Variants in USB1 observed in about 807,000 individuals in gnomAD.
The protein encoded by USB1 is U6 snRNA phosphodiesterase 1.
A neutral mutation model predicts 29.9 loss-of-function variants in USB1; 21 were observed. That is an observed-to-expected ratio of 0.70 (90% CI 0.50 to 1.01). The LOEUF is 1.01. Ranked by LOEUF, USB1 falls within the 50% of genes least tolerant of loss-of-function variation. USB1 has a pLI of 0.00. For missense variants in USB1, 330 were observed against 347.1 expected (o/e 0.95, Z 0.39); for synonymous variants, 143 against 134.9 (o/e 1.06, Z -0.42).
intron 6 of USB1, 80 bp downstream of exon 6, chr16:58,019,135 G>A: frequency 7.0e-7 from 1 of 1,425,340 alleles, no homozygotes. Context: ...GGAGGATGAG[G>A]CACCCAAACC....
At chr16:58,009,088 T>C (rs1447942751) in intron 2 of USB1, among the ~76,000 whole-genome samples, 4 of 152,244 alleles carry the variant, frequency 2.6e-5, no homozygotes, top group Non-Finnish European at 5.9e-5. Flanking sequence ...TTTTGCCCTT[T>C]AGTATGTCTT....
At position 58,017,087 on chromosome 16, in the gene USB1, G is replaced by A. The variant is rs531601308; in HGVS notation, c.504-247G>A. The A allele has an allele frequency of 5.8e-6, 3 of 518,174 alleles. No individual in the cohort carries two copies. The South Asian group carries it at 6.1e-5, about 11-fold the overall frequency. The allele number at this position is 518,174 out of a possible 1,614,324, so 32.1% of individuals were successfully genotyped here. On this transcript the variant is annotated intron_variant, in intron 4 of 6. Coordinates refer to ENST00000219281, the MANE Select transcript of USB1 (RefSeq NM_024598.4). ...GCAGTGGTGGGTGAAGGCGTTCCTG[G>A]AAGGGTTATTAGATCCAGAGAAGGG...
At position 58,014,406 on chromosome 16, in the gene USB1, T is replaced by C. The variant is rs573096144; in HGVS notation, c.503+80T>C. On this transcript the variant is annotated intron_variant, in intron 4 of 6. Transcript: ENST00000219281. ...TTGAGTGCTTTGTTTCTGGACTTGT[T>C]TGTCCCATTTTTTGTTTGCTTTTAA... 13 of 1,287,552 alleles carry C rather than the reference T, an allele frequency of 1.0e-5. No homozygotes were observed. The African/African-American group carries it at 1.9e-4, about 19-fold the overall frequency. The allele number at this position is 1,287,552 out of a possible 1,614,324, so 79.8% of individuals were successfully genotyped here.
At chr16:57,999,671 C>T (rs1963112879), upstream of USB1, 1 of 152,276 alleles carries the variant, frequency 6.6e-6, no homozygotes, top group African/African-American at 2.4e-5. Flanking sequence ...TCTAACTGCT[C>T]TGCCAAAGAA....
chr16:58,001,133 C>T (rs1006464159), upstream of USB1, among the ~76,000 whole-genome samples: 5 of 152,116 alleles, frequency 3.3e-5, no homozygotes, highest in African/African-American at 1.2e-4. Flanking sequence ...GTGCGCTGAC[C>T]CGGGACTGTC....
chr16:58,000,935 C>T (rs2142287451), upstream of USB1, among the ~76,000 whole-genome samples: 1 of 152,264 alleles, frequency 6.6e-6, no homozygotes, highest in East Asian at 1.9e-4. The surrounding 1 kb of genome is among the most constrained non-coding windows in gnomAD (Gnocchi z 4.5). Flanking sequence ...TCCGGGTGAC[C>T]GCCCTCGGCC....
chr16:58,001,197 G>T (rs1277453472), upstream of USB1, among the ~76,000 whole-genome samples: 1 of 152,148 alleles, frequency 6.6e-6, no homozygotes, highest in Admixed American at 6.5e-5. Context: ...GCAGAAAGGT[G>T]AGGGCCCTGA....
chr16:58,009,087 T>G (rs1963429472), intron 2 of USB1, among the ~76,000 whole-genome samples: 1 of 152,224 alleles, frequency 6.6e-6, no homozygotes, highest in African/African-American at 2.4e-5. Flanking sequence ...TTTTTGCCCT[T>G]TAGTATGTCT....
At chr16:58,002,701 T>C in intron 2 of USB1, 56 bp downstream of exon 2, 1 of 1,610,242 alleles carries the variant, frequency 6.2e-7, no homozygotes, top group Non-Finnish European at 8.5e-7. Context: ...AGGTGCCTCA[T>C]GAAGGGCAGA....
chr16:58,020,056 T>C, intron 6 of USB1, 85 bp from the exon 7 acceptor site: 1 of 1,321,112 alleles, frequency 7.6e-7, no homozygotes, highest in African/African-American at 1.4e-5. Flanking sequence ...GCCTCTGAAG[T>C]TGGGTGAGCT....
At chr16:58,002,036 C>CT (rs1179572141) in intron 1 of USB1, among the ~76,000 whole-genome samples, 1 of 152,218 alleles carries the variant, frequency 6.6e-6, no homozygotes, top group Non-Finnish European at 1.5e-5. Flanking sequence ...CTTCCTGGGG[C>CT]TTAGATTCTT....
rs547883874 is a variant in USB1 at position 58,020,528 on chromosome 16, TTCTC to T, written c.*289_*292del. 173 of 453,858 alleles carry T rather than the reference TTCTC, an allele frequency of 3.8e-4. No homozygotes were observed. Among genetic ancestry groups the T allele is most frequent in the African/African-American group, 3.1e-3 (140 of 45,080 alleles). The allele number at this position is 453,858 out of a possible 1,614,324, so 28.1% of individuals were successfully genotyped here. A position where few individuals can be genotyped will look rare whatever the true frequency, so the allele number is the denominator to read the frequency against. On this transcript the variant is annotated 3_prime_UTR_variant, in exon 7 of 7. Transcript: ENST00000219281. ...TCTTCCTCTCCTCTCTCTCTTCCTC[TTCTC>T]TCTCTTCCCCTCCTGTCTCTCCTCC...
intron 3 of USB1, chr16:58,012,187 T>G: frequency 6.8e-7 from 1 of 1,473,782 alleles, no homozygotes; most frequent in Non-Finnish European, 9.0e-7. Context: ...AGGACAGGAT[T>G]TGTCCCAATC....
Position 58,002,609 on chromosome 16 carries a change from G to A in USB1, c.229G>A (p.Glu77Lys), listed in dbSNP as rs1226771318. 2.2e-5 allele frequency: 36 copies of A among 1,613,850 alleles called. No individual in the cohort carries two copies. Among genetic ancestry groups the A allele is most frequent in the Middle Eastern group, 1.6e-4 (1 of 6,080 alleles). The change falls in exon 2 of 7, where the codon GAG becomes AAG. Residue 77 changes from glutamate to lysine, a missense_variant. Transcript: ENST00000219281. Reference sequence around the variant, plus strand: ...GGGACGGGTGCGCACCTTCCCCCACGAGCGAGGCAACTGGGCCACCCACGT... The same window carrying A: ...GGGACGGGTGCGCACCTTCCCCCACAAGCGAGGCAACTGGGCCACCCACGT... ...HGGRVRTFPH[E>K]RGNWATHVYV...
intron 3 of USB1, chr16:58,012,448 T>A (rs1963516924): frequency 8.4e-7 from 1 of 1,189,436 alleles, no homozygotes; most frequent in East Asian, 2.6e-5. Context: ...GGTGACAAGA[T>A]ATCAGATGGC....
intron 6 of USB1, 29 bp downstream of exon 6, chr16:58,019,084 G>T (rs768161609): frequency 3.1e-6 from 5 of 1,609,722 alleles, no homozygotes; most frequent in Non-Finnish European, 4.2e-6. Context: ...AGCACAGAGG[G>T]CGCTGAACTC....
intron 1 of USB1, among the ~76,000 whole-genome samples, 165 bp downstream of exon 1, chr16:58,001,746 C>T (rs910182769): frequency 1.3e-5 from 2 of 151,624 alleles, no homozygotes; most frequent in African/African-American, 4.8e-5. Flanking sequence ...CCCCTCCCCC[C>T]CACCCCAGAC....
intron 2 of USB1, 120 bp from the exon 3 acceptor site, chr16:58,009,809 A>C: frequency 1.0e-6 from 1 of 983,006 alleles, no homozygotes. Flanking sequence ...GCTGCTGTCC[A>C]AGTAATTTTC....
At position 58,004,033 on chromosome 16, in the gene USB1, C is replaced by T. The variant is rs543497127; in HGVS notation, c.265+1388C>T. 2.0e-5 allele frequency among the ~76,000 whole-genome samples: 3 copies of T among 152,316 alleles called. No individual in the cohort carries two copies. In the East Asian group the frequency reaches 5.8e-4, roughly 29 times the overall value. ...AAAAAGTTGTCACCAAACCCAAGAT[C>T]ATCTACATTTTTCTCCTATGTTATC... On this transcript the variant is annotated intron_variant, in intron 2 of 6. Transcript: ENST00000219281.
Sources: allele counts gnomAD v4.1 joint callset (sites outside exome capture counted in the v4.1 genomes callset), GRCh38; gene constraint gnomAD v4.1.1; non-coding constraint Gnocchi (gnomAD v3.1); transcripts MANE v1.5; gene names NCBI Gene and HGNC (gene_info 2026-07-23, HGNC 2026-07-21).